ANKRD13C: variants seen among roughly 807,000 people sequenced by gnomAD.
ANKRD13C encodes ankyrin repeat domain-containing protein 13C.
A neutral mutation model predicts 65.5 loss-of-function variants in ANKRD13C; 16 were observed. The ratio of observed to expected loss-of-function variants is 0.24; its 90% CI spans 0.17 to 0.37. The LOEUF (loss-of-function observed/expected upper bound fraction) is 0.37. Among genes scored for constraint, ANKRD13C ranks in the 10% least tolerant of loss-of-function variants. ANKRD13C has a pLI of 1.00. For synonymous variants in ANKRD13C, 235 were observed against 238.7 expected (o/e 0.98, Z 0.14); for missense variants, 503 against 655.9 (o/e 0.77, Z 2.55).
intron 9 of ANKRD13C, among the ~76,000 whole-genome samples, chr1:70,281,025 A>G (rs1365297962): frequency 6.6e-6 from 1 of 152,126 alleles, no homozygotes; most frequent in Non-Finnish European, 1.5e-5. Flanking sequence ...CAGCTGGGGT[A>G]AATAAGGAGA....
chr1:70,318,723 G>GC (rs1681178783), intron 3 of ANKRD13C, among the ~76,000 whole-genome samples: 1 of 122,540 alleles, frequency 8.2e-6, no homozygotes. Flanking sequence ...TCGCTCTGTC[G>GC]CCAGGCTGGA....
At chr1:70,312,967 A>G (rs1199204620) in intron 5 of ANKRD13C, among the ~76,000 whole-genome samples, 1 of 152,182 alleles carries the variant, frequency 6.6e-6, no homozygotes, top group Non-Finnish European at 1.5e-5. Flanking sequence ...ATGTTCAACC[A>G]AACAGTATGT....
intron 1 of ANKRD13C, 86 bp downstream of exon 1, chr1:70,353,893 G>C: frequency 7.0e-7 from 1 of 1,419,000 alleles, no homozygotes. Context: ...GAGTCTGCTG[G>C]AGGGGGCCTA....
At chr1:70,318,075 C>G (rs569627263) in intron 3 of ANKRD13C, among the ~76,000 whole-genome samples, 3 of 152,168 alleles carry the variant, frequency 2.0e-5, no homozygotes, top group Non-Finnish European at 4.4e-5. Context: ...ATTCCCTTTT[C>G]TATATGACTT....
chr1:70,283,010 A>G (rs1169636647), intron 9 of ANKRD13C, among the ~76,000 whole-genome samples: 1 of 152,216 alleles, frequency 6.6e-6, no homozygotes, highest in Non-Finnish European at 1.5e-5. Flanking sequence ...TAAACAGTAC[A>G]TTATACATTC....
chr1:70,281,240 A>G (rs1679373789), intron 9 of ANKRD13C, among the ~76,000 whole-genome samples: 1 of 152,012 alleles, frequency 6.6e-6, no homozygotes, highest in African/African-American at 2.4e-5. Context: ...CACTGATGAG[A>G]TGTCAGAGAT....
intron 8 of ANKRD13C, 152 bp downstream of exon 8, chr1:70,295,978 C>A (rs1680065799): frequency 2.5e-6 from 2 of 794,056 alleles, no homozygotes; most frequent in African/African-American, 3.5e-5. Context: ...CTCTAACCAT[C>A]CATTATAATT....
intron 9 of ANKRD13C, among the ~76,000 whole-genome samples, chr1:70,285,615 T>C (rs969216663): frequency 1.3e-4 from 19 of 151,532 alleles, no homozygotes. Flanking sequence ...TCACATTAAA[T>C]AATAGAGTTA....
In ANKRD13C at chr1:70,330,870, C is replaced by T. The variant is rs1459164106; in HGVS notation, c.472+5188G>A. Among the ~76,000 whole-genome samples, 30 of 152,074 alleles carry T rather than the reference C, an allele frequency of 2.0e-4. 1 individual carries two copies. Among genetic ancestry groups the T allele is most frequent in the Admixed American group, 1.9e-3 (29 of 15,212 alleles). On this transcript the variant is annotated intron_variant, in intron 2 of 12. Coordinates refer to ENST00000370944, the MANE Select transcript of ANKRD13C (RefSeq NM_030816.5). ...AAAGATTAGTTTTTCTATATCATCTCGTAAAACTTCCTGAAACCTTCCTTA... is the reference window on the plus strand; with the variant it reads ...AAAGATTAGTTTTTCTATATCATCTTGTAAAACTTCCTGAAACCTTCCTTA...
chr1:70,290,019 T>C (rs893488655), intron 9 of ANKRD13C, among the ~76,000 whole-genome samples: 1 of 152,082 alleles, frequency 6.6e-6, no homozygotes, highest in Non-Finnish European at 1.5e-5. Context: ...GACTGAGAGA[T>C]CAGTAAATAC....
intron 2 of ANKRD13C, among the ~76,000 whole-genome samples, chr1:70,335,446 A>C (rs898257475): frequency 3.3e-5 from 5 of 151,760 alleles, no homozygotes; most frequent in Non-Finnish European, 7.4e-5. Context: ...AACACATTTA[A>C]AATATAAAAA....
intron 9 of ANKRD13C, among the ~76,000 whole-genome samples, chr1:70,286,966 T>C (rs961430498): frequency 1.3e-5 from 2 of 151,866 alleles, no homozygotes; most frequent in East Asian, 1.9e-4. Flanking sequence ...GCCTGGGGGA[T>C]AGAACGAGAC....
intron 11 of ANKRD13C, among the ~76,000 whole-genome samples, chr1:70,274,401 G>A (rs562471945): frequency 6.7e-6 from 1 of 149,758 alleles, no homozygotes; most frequent in Admixed American, 6.7e-5. Context: ...TTGAACCTGG[G>A]AGGTGGAGGT....
intron 3 of ANKRD13C, among the ~76,000 whole-genome samples, chr1:70,318,235 A>C (rs1681152330): frequency 6.6e-6 from 1 of 152,236 alleles, no homozygotes; most frequent in African/African-American, 2.4e-5. Context: ...TTAACAATGA[A>C]GATTAAAATT....
intron 2 of ANKRD13C, among the ~76,000 whole-genome samples, chr1:70,335,313 G>A (rs1025817779): frequency 2.6e-5 from 4 of 151,792 alleles, no homozygotes; most frequent in African/African-American, 7.3e-5. Context: ...GGCTGACGCA[G>A]GAGAATTGCT....
At position 70,260,625 on chromosome 1, in the gene ANKRD13C, C is replaced by T. The variant is rs917647606; in HGVS notation, c.*2092G>A. On this transcript the variant is annotated 3_prime_UTR_variant, in exon 13 of 13. Transcript: ENST00000370944. ...AATACTGTGAAAAGTTTATTTGCAT[C>T]GATTAATTCCTTTTTTTCACCATCA... 6.6e-6 allele frequency: 1 copy of T among 151,982 alleles called. No individual in the cohort carries two copies. The highest frequency in any genetic ancestry group is 1.5e-5 in the Non-Finnish European group (1 of 67,944). 9.4% of individuals were successfully genotyped at this position (151,982 alleles called of 1,614,324 possible). A position where few individuals can be genotyped will look rare whatever the true frequency, so the allele number is the denominator to read the frequency against.
chr1:70,299,985 T>A (rs1177507853), intron 7 of ANKRD13C, among the ~76,000 whole-genome samples: 2 of 151,760 alleles, frequency 1.3e-5, no homozygotes, highest in African/African-American at 4.8e-5. Flanking sequence ...AGAAGGAAAA[T>A]CATGTCGTAC....
intron 12 of ANKRD13C, among the ~76,000 whole-genome samples, chr1:70,264,332 T>C (rs1230762941): frequency 6.6e-6 from 1 of 151,638 alleles, no homozygotes; most frequent in Non-Finnish European, 1.5e-5. Context: ...AAAAATTAGC[T>C]GGGTGTGGTG....
intron 5 of ANKRD13C, among the ~76,000 whole-genome samples, chr1:70,312,710 A>T (rs116005432): frequency 0.011 from 1,614 of 152,124 alleles, 30 homozygotes; most frequent in African/African-American, 0.037. Context: ...ACAAAAACTC[A>T]CATAAGCTCA....
Sources: gnomAD v4.1 joint callset for allele counts (sites outside exome capture counted in the v4.1 genomes callset) on GRCh38, gnomAD v4.1.1 for gene constraint, MANE v1.5 for transcripts, NCBI Gene and HGNC (gene_info 2026-07-23, HGNC 2026-07-21) for gene names.